The following CYP4A11 variants were observed in gnomAD, a reference collection of about 807,000 sequenced individuals.
CYP4A11 encodes the protein cytochrome P450 4A11.
A neutral mutation model predicts 57.7 loss-of-function variants in CYP4A11; 52 were observed. The ratio of observed to expected loss-of-function variants is 0.90; its 90% CI spans 0.72 to 1.14. The LOEUF (loss-of-function observed/expected upper bound fraction) is 1.14. Ranked by LOEUF, CYP4A11 falls within the 50% of genes most tolerant of loss-of-function variation. The pLI is 0.00. For synonymous variants in CYP4A11, 228 were observed against 247.1 expected (o/e 0.92, Z 0.72); for missense variants, 641 against 642.1 (o/e 1.00, Z 0.02).
In CYP4A11 at chr1:46,934,422, A is replaced by T. The variant is rs779620667; in HGVS notation, c.897+31T>A. On this transcript the variant is annotated intron_variant, in intron 7 of 11. Transcript: ENST00000310638. ...TGTCTCTTGCTATGTACTTCTGGGCAAAGACTCAGGCCTCTCCTACACATA... is the reference window on the plus strand; with the variant it reads ...TGTCTCTTGCTATGTACTTCTGGGCTAAGACTCAGGCCTCTCCTACACATA... The T allele has an allele frequency of 7.5e-6, 12 of 1,604,794 alleles. No individual in the cohort carries two copies. In the East Asian group the frequency reaches 2.7e-4, roughly 36 times the overall value.
chr1:46,934,679 G>T (rs1302635411), intron 6 of CYP4A11, 120 bp from the exon 7 acceptor site: 9 of 1,076,152 alleles, frequency 8.4e-6, no homozygotes, highest in Non-Finnish European at 1.2e-5. Flanking sequence ...GTGAGTGTGG[G>T]TGCAGGGTCA....
At chr1:46,931,869 A>G (rs767215203) in intron 11 of CYP4A11, 18 of 936,460 alleles carry the variant, frequency 1.9e-5, no homozygotes, top group Non-Finnish European at 2.2e-5. Context: ...TGATGCCACA[A>G]TGATCTCCAC....
intron 6 of CYP4A11, 47 bp from the exon 7 acceptor site, chr1:46,934,606 C>A (rs1681262112): frequency 6.4e-7 from 1 of 1,551,606 alleles, no homozygotes; most frequent in Middle Eastern, 1.7e-4. Context: ...CCGTCAGCAG[C>A]CCCCAGGAGG....
chr1:46,936,972 G>A (rs545027082), intron 3 of CYP4A11, among the ~76,000 whole-genome samples, 181 bp from the exon 4 acceptor site: 1 of 152,230 alleles, frequency 6.6e-6, no homozygotes, highest in African/African-American at 2.4e-5. Flanking sequence ...TATATTTCAG[G>A]CATGTGAATA....
At position 46,938,139 on chromosome 1, in the gene CYP4A11, T is replaced by G. The variant is rs748698422; in HGVS notation, c.196-2A>C. 2.5e-5 allele frequency: 41 copies of G among 1,614,108 alleles called. No individual in the cohort carries two copies. In the South Asian group the frequency reaches 3.3e-4, roughly 13 times the overall value. On this transcript the variant is annotated splice_acceptor_variant, in intron 1 of 11. Coordinates refer to ENST00000310638, the MANE Select transcript of CYP4A11 (RefSeq NM_000778.4). LOFTEE classifies it high-confidence loss of function. The stretch of plus-strand genomic sequence containing the variant: ...TTGTAGCTCCTGGTCCTGTTGGAGC[T>G]GTCAACAAGGGTAGACAGATGAACA...
chr1:46,934,657 C>A, intron 6 of CYP4A11, 98 bp from the exon 7 acceptor site: 3 of 1,187,410 alleles, frequency 2.5e-6, no homozygotes, highest in Non-Finnish European at 3.6e-6. Context: ...CCTGGTAGAT[C>A]TCAGCATGAA....
At chr1:46,930,967 C>G (rs1040912086) in intron 11 of CYP4A11, among the ~76,000 whole-genome samples, 3 of 152,188 alleles carry the variant, frequency 2.0e-5, no homozygotes, top group Non-Finnish European at 4.4e-5. Flanking sequence ...CTTGCCCTTC[C>G]TCAGTATTCT....
intron 1 of CYP4A11, among the ~76,000 whole-genome samples, chr1:46,938,880 C>T (rs1681582708): frequency 6.6e-6 from 1 of 152,220 alleles, no homozygotes; most frequent in East Asian, 1.9e-4. Flanking sequence ...TTCTTGCCTC[C>T]AGCCCTGCTG....
chr1:46,929,925 A>G lies in CYP4A11; in HGVS notation c.*190T>C, dbSNP rs1034944219. 15 of 753,334 alleles carry G rather than the reference A, an allele frequency of 2.0e-5. No homozygotes were observed. The highest frequency in any genetic ancestry group is 5.2e-5 in the African/African-American group (3 of 57,500). 46.7% of individuals were successfully genotyped at this position (753,334 alleles called of 1,614,324 possible). On this transcript the variant is annotated 3_prime_UTR_variant, in exon 12 of 12. Transcript: ENST00000310638. ...CAGCTTTTCTCCCAACAAGAGATACAGGTGGGTAGGAGACAGGTAGACAAG... is the reference window on the plus strand; with the variant it reads ...CAGCTTTTCTCCCAACAAGAGATACGGGTGGGTAGGAGACAGGTAGACAAG...
rs1374561910 is a variant in CYP4A11 at position 46,936,728 on chromosome 1, G to T, written c.446C>A (p.Ala149Asp). The T allele has an allele frequency of 2.5e-6, 4 of 1,614,024 alleles. No individual in the cohort carries two copies. The highest frequency in any genetic ancestry group is 2.2e-5 in the East Asian group (1 of 44,870). ...WFQHRRMLTP[A>D]FHYDILKPYV... The stretch of plus-strand genomic sequence containing the variant: ...GGGCTTCAGGATGTCATAGTGGAAG[G>T]CTGGGGTCAGCATCCGTCGATGCTG... Residue 149 changes from alanine to aspartate, a missense_variant, in exon 4 of 12, where the codon GCC becomes GAC. Coordinates refer to ENST00000310638, the MANE Select transcript of CYP4A11 (RefSeq NM_000778.4).
rs371582506 is a variant in CYP4A11 at position 46,932,882 on chromosome 1, C to T, written c.1288-45G>A. 1.5e-5 allele frequency: 24 copies of T among 1,614,038 alleles called. No homozygotes were observed. The Admixed American group carries it at 2.7e-4, about 18-fold the overall frequency. ...GCCAGGATAGTTAAGGATCCAGCAC[C>T]TACTTGCCACCCATGGGGGACAGGA... On this transcript the variant is annotated intron_variant, in intron 10 of 11. Coordinates refer to ENST00000310638, the MANE Select transcript of CYP4A11 (RefSeq NM_000778.4).
At position 46,936,593 on chromosome 1, in the gene CYP4A11, G is replaced by C. The variant is rs182058816; in HGVS notation, c.510+71C>G. On this transcript the variant is annotated intron_variant, in intron 4 of 11. Transcript: ENST00000310638. ...GTCTATGTCTGCCTGTGGGACACAG[G>C]GTTGAGAGTGGAGTTGGTGAGAGTG... is the stretch of plus-strand genomic sequence containing the variant. The C allele has an allele frequency of 7.3e-6, 11 of 1,503,630 alleles. No individual in the cohort carries two copies. In the East Asian group the frequency reaches 2.4e-4, roughly 33 times the overall value. The allele number at this position is 1,503,630 out of a possible 1,614,324, so 93.1% of individuals were successfully genotyped here. A position where few individuals can be genotyped will look rare whatever the true frequency, so the allele number is the denominator to read the frequency against.
rs1481257981 is a variant in CYP4A11, at chr1:46,938,099, C to A, written c.234G>T (p.Trp78Cys). The change falls in exon 2 of 12, where the codon TGG becomes TGT. Residue 78 changes from tryptophan (W) to cysteine (C), a missense_variant. Physicochemically the swap from Trp to Cys is radical, Grantham distance 215. Transcript: ENST00000310638. ...QDQELQRIQK[W>C]VETFPSACPH... ...GACAGGCACTTGGGAATGTCTCCAC[C>A]CATTTCTGAATCCGTTGTAGCTCCT... is the stretch of plus-strand genomic sequence containing the variant. 2.5e-6 allele frequency: 4 copies of A among 1,614,074 alleles called. No homozygotes were observed. Among genetic ancestry groups the A allele is most frequent in the African/African-American group, 1.3e-5 (1 of 74,916 alleles).
chr1:46,932,916 G>A, intron 10 of CYP4A11, 67 bp downstream of exon 10: 1 of 1,614,042 alleles, frequency 6.2e-7, no homozygotes. Flanking sequence ...GACTCCCAGA[G>A]GTGGAAGCAG....
Position 46,934,521 on chromosome 1 carries a change from C to T in CYP4A11, c.829G>A (p.Glu277Lys). Residue 277 changes from glutamate (E) to lysine (K), a missense_variant, in exon 7 of 12, where the codon GAG becomes AAG. Glu to Lys is a moderately conservative substitution (Grantham distance 56). Coordinates refer to ENST00000310638, the MANE Select transcript of CYP4A11 (RefSeq NM_000778.4). ...IQLRKAQLQKEGELEKIKRKR... is the reference protein window; with the variant it reads ...IQLRKAQLQKKGELEKIKRKR... ...CTCTTGATCTTCTCCAGCTCCCCCTCCTTCTGTAGTTGAGCCTTCCTCAGT... is the reference window on the plus strand; with the variant it reads ...CTCTTGATCTTCTCCAGCTCCCCCTTCTTCTGTAGTTGAGCCTTCCTCAGT... 1 of 1,613,776 alleles carries T rather than the reference C, an allele frequency of 6.2e-7. No individual in the cohort carries two copies. Among genetic ancestry groups the T allele is most frequent in the Non-Finnish European group, 8.5e-7 (1 of 1,179,808 alleles).
At chr1:46,931,879 C>T (rs749836744) in intron 11 of CYP4A11, 41 of 953,640 alleles carry the variant, frequency 4.3e-5, no homozygotes, top group Non-Finnish European at 4.6e-5. Context: ...ATGATCTCCA[C>T]CGCAACCATT....
chr1:46,941,051 G>C, intron 1 of CYP4A11, 188 bp downstream of exon 1: 2 of 967,968 alleles, frequency 2.1e-6, no homozygotes, highest in Non-Finnish European at 2.5e-6. Context: ...GGACCAGCAG[G>C]ATGGGCTTCA....
chr1:46,936,751 C>T lies in CYP4A11; in HGVS notation c.423G>A (p.Gln141=). The T allele has an allele frequency of 6.2e-7, 1 of 1,613,762 alleles. No individual in the cohort carries two copies. The highest frequency in any genetic ancestry group is 8.5e-7 in the Non-Finnish European group (1 of 1,179,918). ...LLLLNGQTWF[Q]HRRMLTPAFH... ...AGGCTGGGGTCAGCATCCGTCGATG[C>T]TGGAACCATGTCTGCCCATTCAACA... Residue 141 remains glutamine, a synonymous_variant, in exon 4 of 12, where the codon CAG becomes CAA. Coordinates refer to ENST00000310638, the MANE Select transcript of CYP4A11 (RefSeq NM_000778.4).
intron 9 of CYP4A11, 101 bp from the exon 10 acceptor site, chr1:46,933,148 T>C (rs1681136510): frequency 2.6e-6 from 4 of 1,533,988 alleles, no homozygotes; most frequent in Non-Finnish European, 1.8e-6. Context: ...AAGCCTACTT[T>C]CCACAAATTT....
Sources: gnomAD v4.1 joint callset for allele counts (sites outside exome capture counted in the v4.1 genomes callset) on GRCh38, gnomAD v4.1.1 for gene constraint, MANE v1.5 for transcripts, NCBI Gene and HGNC (gene_info 2026-07-23, HGNC 2026-07-21) for gene names.